Variants in ARMC7 observed in about 807,000 individuals in gnomAD.
ARMC7 encodes the protein armadillo repeat-containing protein 7.
A neutral mutation model predicts 14.8 loss-of-function variants in ARMC7; 9 were observed. That is an observed-to-expected ratio of 0.61 (90% CI 0.37 to 1.06). The LOEUF is 1.06. Ranked by LOEUF, ARMC7 falls within the 50% of genes least tolerant of loss-of-function variation. The pLI, the probability that ARMC7 is intolerant of heterozygous loss-of-function variation, is 0.01. For missense variants in ARMC7, 262 were observed against 267.1 expected (o/e 0.98, Z 0.13); for synonymous variants, 125 against 123.4 (o/e 1.01, Z -0.09).
chr17:75,113,988 C>T (rs1452248357), intron 2 of ARMC7, among the ~76,000 whole-genome samples: 2 of 152,236 alleles, frequency 1.3e-5, no homozygotes, highest in East Asian at 3.8e-4. Flanking sequence ...CCTGGACTTA[C>T]TGCCCCACAG....
At chr17:75,119,231 A>G (rs2145126072) in intron 2 of ARMC7, among the ~76,000 whole-genome samples, 1 of 152,296 alleles carries the variant, frequency 6.6e-6, no homozygotes, top group East Asian at 1.9e-4. Context: ...TGTCTTGAAA[A>G]TGGCTCCTTC....
chr17:75,121,611 G>A (rs146384629), intron 2 of ARMC7, among the ~76,000 whole-genome samples: 1 of 152,004 alleles, frequency 6.6e-6, no homozygotes, highest in African/African-American at 2.4e-5. Flanking sequence ...ACAGGTTTTC[G>A]CCATGTTGGC....
chr17:75,110,109 C>T lies in ARMC7; in HGVS notation c.-180C>T. On this transcript the variant is annotated 5_prime_UTR_variant, in exon 1 of 3. Transcript: ENST00000245543. ...AGGATTCTGAGACCCCGTCCCATCT[C>T]CCATATCCCATTTCCAGCTGCAAAT... The T allele has an allele frequency of 1.6e-6, 1 of 622,752 alleles. No homozygotes were observed. The highest frequency in any genetic ancestry group is 2.0e-5 in the South Asian group (1 of 50,742). The allele number at this position is 622,752 out of a possible 1,614,324, so 38.6% of individuals were successfully genotyped here.
Position 75,129,247 on chromosome 17 carries a change from G to A in ARMC7, c.*209G>A. 1.4e-6 allele frequency: 1 copy of A among 690,962 alleles called. No individual in the cohort carries two copies. The highest frequency in any genetic ancestry group is 2.3e-6 in the Non-Finnish European group (1 of 428,910). 42.8% of individuals were successfully genotyped at this position (690,962 alleles called of 1,614,324 possible). On this transcript the variant is annotated 3_prime_UTR_variant, in exon 3 of 3. Coordinates refer to ENST00000245543, the MANE Select transcript of ARMC7 (RefSeq NM_024585.4). ...CCAGAGACACGGAGAAGATCAAACT[G>A]GAGCTGCGTTCATAGGCTGGCACTC... is the stretch of plus-strand genomic sequence containing the variant.
Position 75,114,731 on chromosome 17 carries a change from A to G in ARMC7, c.235+4125A>G, listed in dbSNP as rs2073961077. 1.3e-5 allele frequency: 5 copies of G among 398,300 alleles called. No homozygotes were observed. The East Asian group carries it at 1.8e-4, about 14-fold the overall frequency. The allele number at this position is 398,300 out of a possible 1,614,324, so 24.7% of individuals were successfully genotyped here. A position where few individuals can be genotyped will look rare whatever the true frequency, so the allele number is the denominator to read the frequency against. Reference sequence around the variant, plus strand: ...TTCTCTTCCTTCTTCTGCCACAGCAAGACCCCCCCGCCCCAAGCACAGTAG... The same window carrying G: ...TTCTCTTCCTTCTTCTGCCACAGCAGGACCCCCCCGCCCCAAGCACAGTAG... On this transcript the variant is annotated intron_variant, in intron 2 of 2. Coordinates refer to ENST00000245543, the MANE Select transcript of ARMC7 (RefSeq NM_024585.4).
intron 2 of ARMC7, among the ~76,000 whole-genome samples, chr17:75,115,110 G>A (rs1251403667): frequency 1.3e-5 from 2 of 151,902 alleles, no homozygotes; most frequent in African/African-American, 4.8e-5. Context: ...GGAAAGAAGG[G>A]GAAGAAAAGG....
intron 2 of ARMC7, among the ~76,000 whole-genome samples, chr17:75,118,373 T>C (rs1020546180): frequency 1.4e-4 from 22 of 152,146 alleles, no homozygotes; most frequent in African/African-American, 4.8e-4. Flanking sequence ...CAGCCAGGGC[T>C]TCAGTCTGGC....
intron 2 of ARMC7, chr17:75,114,251 A>C: frequency 2.5e-6 from 1 of 401,080 alleles, no homozygotes; most frequent in East Asian, 3.6e-5. Flanking sequence ...GCTCCTCCAA[A>C]TCAAGCTGCT....
intron 2 of ARMC7, among the ~76,000 whole-genome samples, chr17:75,115,611 T>C (rs1598165286): frequency 6.6e-6 from 1 of 151,804 alleles, no homozygotes; most frequent in East Asian, 1.9e-4. Context: ...AATCCCAGCA[T>C]TCTGGGAGGC....
chr17:75,127,267 A>G (rs7217429), intron 2 of ARMC7, among the ~76,000 whole-genome samples: 2,043 of 152,262 alleles, frequency 0.013, 43 homozygotes, highest in African/African-American at 0.046. Flanking sequence ...ATACTTACAT[A>G]TATTCACATA....
intron 2 of ARMC7, among the ~76,000 whole-genome samples, chr17:75,111,582 T>TA (rs2073923230): frequency 2.0e-5 from 3 of 147,174 alleles, no homozygotes; most frequent in South Asian, 4.3e-4. Context: ...CATCTCTGCT[T>TA]TAAAAAAAAA....
At chr17:75,127,523 TC>T (rs1426256810) in intron 2 of ARMC7, among the ~76,000 whole-genome samples, 1 of 152,210 alleles carries the variant, frequency 6.6e-6, no homozygotes, top group African/African-American at 2.4e-5. Context: ...GGTCTGGAAC[TC>T]CTGACCTCAG....
At chr17:75,124,830 C>T (rs1430445750) in intron 2 of ARMC7, among the ~76,000 whole-genome samples, 3 of 152,070 alleles carry the variant, frequency 2.0e-5, no homozygotes, top group Non-Finnish European at 2.9e-5. Context: ...GATGTTAGCA[C>T]TTGTTTCTAG....
intron 2 of ARMC7, 82 bp downstream of exon 2, chr17:75,110,688 C>T (rs555315324): frequency 1.9e-6 from 3 of 1,546,040 alleles, no homozygotes; most frequent in African/African-American, 1.4e-5. Context: ...TGGGGCCGGG[C>T]GTGGTGGCTC....
rs1317753828 is a variant in ARMC7 at position 75,110,555 on chromosome 17, T to C, written c.184T>C (p.Phe62Leu). The change falls in exon 2 of 3, where the codon TTT (phenylalanine) becomes CTT (leucine). Residue 62 changes from phenylalanine to leucine, a missense_variant. By Grantham distance (22) the Phe-to-Leu change is conservative. Coordinates refer to ENST00000245543, the MANE Select transcript of ARMC7 (RefSeq NM_024585.4). ...GCGGCAGCTGCAGGTCCTGGATTTA[T>C]TTCTCGATTCGCTGTCGGAGGAGAA... ...YLRQLQVLDLFLDSLSEENET... is the reference protein window; with the variant it reads ...YLRQLQVLDLLLDSLSEENET... 1.9e-6 allele frequency: 3 copies of C among 1,614,244 alleles called. No individual in the cohort carries two copies. In the Admixed American group the frequency reaches 5.0e-5, roughly 27 times the overall value.
chr17:75,111,968 TA>T (rs1195513380), intron 2 of ARMC7, among the ~76,000 whole-genome samples: 1 of 151,172 alleles, frequency 6.6e-6, no homozygotes, highest in African/African-American at 2.5e-5. Context: ...TACATTCTAG[TA>T]GGGGGGACAG....
chr17:75,128,633 G>T (rs751993745), intron 2 of ARMC7, 44 bp from the exon 3 acceptor site: 1 of 1,568,834 alleles, frequency 6.4e-7, no homozygotes, highest in Non-Finnish European at 8.7e-7. Flanking sequence ...GGTGGGAGGA[G>T]GCCCGGGGCT....
intron 2 of ARMC7, 112 bp downstream of exon 2, chr17:75,110,718 T>C (rs2145111758): frequency 7.1e-7 from 1 of 1,415,328 alleles, no homozygotes; most frequent in Non-Finnish European, 9.6e-7. Flanking sequence ...ATCCCAGCAG[T>C]TTGGGAAGCT....
chr17:75,123,346 C>G (rs369513123), intron 2 of ARMC7, among the ~76,000 whole-genome samples: 2 of 150,142 alleles, frequency 1.3e-5, no homozygotes, highest in Admixed American at 1.3e-4. Flanking sequence ...CCACACCTGG[C>G]CTTTGAAGAC....
Sources: gnomAD v4.1 joint callset for allele counts (sites outside exome capture counted in the v4.1 genomes callset) on GRCh38, gnomAD v4.1.1 for gene constraint, MANE v1.5 for transcripts, NCBI Gene and HGNC (gene_info 2026-07-23, HGNC 2026-07-21) for gene names.